ACSS3: variants seen among roughly 807,000 people sequenced by gnomAD.
ACSS3 encodes acyl-CoA synthetase short-chain family member 3, mitochondrial.
Under a neutral mutation model 84.2 loss-of-function variants are expected in ACSS3, and 64 were observed. The ratio of observed to expected loss-of-function variants is 0.76; its 90% CI spans 0.62 to 0.94. The LOEUF (loss-of-function observed/expected upper bound fraction) is 0.94. Among genes scored for constraint, ACSS3 ranks in the 40% least tolerant of loss-of-function variants. The probability of loss-of-function intolerance (pLI) is 0.00; values close to 1 mark genes in which losing one functional copy is unlikely to be tolerated. For synonymous variants in ACSS3, 317 were observed against 310.1 expected (o/e 1.02, Z -0.23); for missense variants, 815 against 867.6 (o/e 0.94, Z 0.76).
intron 2 of ACSS3, among the ~76,000 whole-genome samples, chr12:81,129,737 T>C (rs538601200): frequency 3.9e-4 from 60 of 152,170 alleles, no homozygotes; most frequent in African/African-American, 1.4e-3. Flanking sequence ...TAACTCATCA[T>C]TTACATTAGG....
At chr12:81,244,557 C>A (rs772810124) in intron 13 of ACSS3, among the ~76,000 whole-genome samples, 12 of 151,806 alleles carry the variant, frequency 7.9e-5, no homozygotes, top group East Asian at 1.9e-4. Context: ...TTGGAGATTT[C>A]TTTTCCATCT....
intron 8 of ACSS3, among the ~76,000 whole-genome samples, chr12:81,179,843 A>G (rs967704977): frequency 6.6e-6 from 1 of 152,120 alleles, no homozygotes; most frequent in African/African-American, 2.4e-5. Flanking sequence ...GTATAAAGAA[A>G]TACCTGAGAC....
rs988370005 is a variant in ACSS3, at chr12:81,079,530, AGTCC to A, written c.311+1100_311+1103del. The stretch of plus-strand genomic sequence containing the variant: ...CCTGTTCTGTGTCTCCACCATGCCC[AGTCC>A]TCTCAAAAGTGTGTGGGGATGACAT... On this transcript the variant is annotated intron_variant, in intron 1 of 15. Coordinates refer to ENST00000548058, the MANE Select transcript of ACSS3 (RefSeq NM_024560.4). Among the ~76,000 whole-genome samples, 58 of 152,344 alleles carry A rather than the reference AGTCC, an allele frequency of 3.8e-4. No homozygotes were observed. The Middle Eastern group carries it at 0.014, about 36-fold the overall frequency.
rs1485181080 is a variant in ACSS3, at chr12:81,256,546, G to A, written c.*1624G>A. Reference sequence around the variant, plus strand: ...CATTGTATCTTTGATCGTTCTTCAAGTATTTCTCAATCTTTTAATCTATCA... The same window carrying A: ...CATTGTATCTTTGATCGTTCTTCAAATATTTCTCAATCTTTTAATCTATCA... On this transcript the variant is annotated 3_prime_UTR_variant, in exon 16 of 16. Transcript: ENST00000548058. The A allele has an allele frequency of 1.3e-5, 2 of 152,064 alleles. No homozygotes were observed. Among genetic ancestry groups the A allele is most frequent in the Non-Finnish European group, 2.9e-5 (2 of 67,996 alleles). The allele number at this position is 152,064 out of a possible 1,614,324, so 9.4% of individuals were successfully genotyped here.
intron 1 of ACSS3, among the ~76,000 whole-genome samples, chr12:81,086,733 AT>A (rs965297167): frequency 7.9e-5 from 12 of 151,246 alleles, no homozygotes; most frequent in Non-Finnish European, 1.3e-4. Context: ...TCTTCTTTTT[AT>A]TTTTTTTTAT....
At chr12:81,092,829 A>C (rs1004425904) in intron 1 of ACSS3, among the ~76,000 whole-genome samples, 2 of 152,172 alleles carry the variant, frequency 1.3e-5, no homozygotes, top group Admixed American at 1.3e-4. Context: ...TAATTGACAA[A>C]AATATAATAA....
chr12:81,130,331 G>C (rs892677551), intron 2 of ACSS3, among the ~76,000 whole-genome samples: 1 of 152,184 alleles, frequency 6.6e-6, no homozygotes, highest in Non-Finnish European at 1.5e-5. Context: ...ACTGGTGTGA[G>C]ATAGTATCTC....
chr12:81,120,731 T>G (rs1351677883), intron 2 of ACSS3, among the ~76,000 whole-genome samples: 1 of 152,196 alleles, frequency 6.6e-6, no homozygotes, highest in African/African-American at 2.4e-5. Flanking sequence ...AATACTTAAG[T>G]AAATAAATCT....
intron 5 of ACSS3, among the ~76,000 whole-genome samples, chr12:81,149,656 A>C (rs1308197841): frequency 6.6e-6 from 1 of 152,182 alleles, no homozygotes; most frequent in Non-Finnish European, 1.5e-5. Flanking sequence ...ATTCTTTAAA[A>C]AATAAAAGTA....
At chr12:81,109,533 C>T (rs969558117) in intron 1 of ACSS3, 27 bp from the exon 2 acceptor site, 4 of 1,595,162 alleles carry the variant, frequency 2.5e-6, no homozygotes, top group Admixed American at 3.5e-5. Context: ...AGCCATCATT[C>T]ACCTTTACTT....
chr12:81,134,456 G>T (rs1008149037), intron 2 of ACSS3, among the ~76,000 whole-genome samples: 3 of 151,912 alleles, frequency 2.0e-5, no homozygotes, highest in Non-Finnish European at 4.4e-5. Context: ...CAATACATAG[G>T]CTCTACAGGG....
chr12:81,078,112 C>T lies in ACSS3; in HGVS notation c.-9C>T, dbSNP rs535571466. The T allele has an allele frequency of 7.2e-5, 106 of 1,466,616 alleles. 1 individual carries two copies. In the South Asian group the frequency reaches 1.5e-3, roughly 20 times the overall value. 90.9% of individuals were successfully genotyped at this position (1,466,616 alleles called of 1,614,324 possible). On this transcript the variant is annotated 5_prime_UTR_variant, in exon 1 of 16. Transcript: ENST00000548058. ...TCGCACACTCGGGGACCGCGGGTGGCCGGAGGAGATGAAACCGTCTTGGCT... is the reference window on the plus strand; with the variant it reads ...TCGCACACTCGGGGACCGCGGGTGGTCGGAGGAGATGAAACCGTCTTGGCT...
intron 9 of ACSS3, among the ~76,000 whole-genome samples, chr12:81,210,614 A>T (rs1422335260): frequency 1.3e-5 from 2 of 152,202 alleles, no homozygotes; most frequent in Non-Finnish European, 2.9e-5. Flanking sequence ...TTAGAATACT[A>T]ATCTGGAATT....
At chr12:81,173,563 C>T (rs1345038737) in intron 7 of ACSS3, among the ~76,000 whole-genome samples, 1 of 151,904 alleles carries the variant, frequency 6.6e-6, no homozygotes, top group African/African-American at 2.4e-5. Flanking sequence ...AGTATTGAAT[C>T]TAAATTATTG....
At chr12:81,243,698 T>G (rs2135997406) in intron 13 of ACSS3, among the ~76,000 whole-genome samples, 1 of 152,230 alleles carries the variant, frequency 6.6e-6, no homozygotes, top group South Asian at 2.1e-4. Flanking sequence ...CCCTCAGAAA[T>G]AACGCCACAT....
intron 12 of ACSS3, 135 bp downstream of exon 12, chr12:81,231,273 C>T (rs1238670668): frequency 3.1e-6 from 2 of 647,052 alleles, no homozygotes; most frequent in African/African-American, 3.7e-5. Flanking sequence ...GTTTCCAGCT[C>T]CCAGGGATAA....
chr12:81,134,725 G>C (rs987221653), intron 2 of ACSS3, 91 bp from the exon 3 acceptor site: 1 of 1,167,828 alleles, frequency 8.6e-7, no homozygotes, highest in East Asian at 2.8e-5. Context: ...ACTACCAAGC[G>C]GGTGATCAGC....
intron 13 of ACSS3, among the ~76,000 whole-genome samples, chr12:81,234,675 T>A (rs1359194886): frequency 6.6e-6 from 1 of 151,534 alleles, no homozygotes; most frequent in Admixed American, 6.6e-5. Flanking sequence ...TTCACAAGCT[T>A]ATTTGCCATC....
At chr12:81,098,151 A>AGAGTGTGTGT (rs369995298) in intron 1 of ACSS3, among the ~76,000 whole-genome samples, 42 of 129,316 alleles carry the variant, frequency 3.2e-4, no homozygotes, top group Admixed American at 1.4e-3. Context: ...AGAGAGAGAG[A>AGAGTGTGTGT]GTGTGTGTGT....
Sources: gnomAD v4.1 joint callset for allele counts (sites outside exome capture counted in the v4.1 genomes callset) on GRCh38, gnomAD v4.1.1 for gene constraint, MANE v1.5 for transcripts, NCBI Gene and HGNC (gene_info 2026-07-23, HGNC 2026-07-21) for gene names.